The following ZBTB20 variants were observed in gnomAD, a reference collection of about 807,000 sequenced individuals.
The protein encoded by ZBTB20 is zinc finger and BTB domain containing 20.
A neutral mutation model predicts 56.9 loss-of-function variants in ZBTB20; 9 were observed. The observed-to-expected ratio is 0.16, with a 90% CI of 0.10 to 0.28. ZBTB20 has a LOEUF of 0.28. ZBTB20 is among the 10% of genes least tolerant of loss of function. ZBTB20 has a pLI of 1.00. For synonymous variants in ZBTB20, 417 were observed against 420.7 expected (o/e 0.99, Z 0.11); for missense variants, 655 against 1,003.0 (o/e 0.65, Z 4.69).
At chr3:114,449,640 A>G (rs1030095734) in intron 7 of ZBTB20, among the ~76,000 whole-genome samples, 1 of 151,374 alleles carries the variant, frequency 6.6e-6, no homozygotes, top group African/African-American at 2.4e-5. Flanking sequence ...ATTAAGCAAG[A>G]GGAGAACCTG....
chr3:114,705,834 A>C (rs1560149769), intron 5 of ZBTB20, among the ~76,000 whole-genome samples: 1 of 152,224 alleles, frequency 6.6e-6, no homozygotes, highest in Admixed American at 6.5e-5. Flanking sequence ...TCCCTGGGGC[A>C]TACTGCATCC....
Position 114,628,367 on chromosome 3 carries a change from G to A in ZBTB20, c.-295+65161C>T, listed in dbSNP as rs370000430. 2.0e-4 allele frequency among the ~76,000 whole-genome samples: 30 copies of A among 152,238 alleles called. No homozygotes were observed. In the East Asian group the frequency reaches 4.2e-3, roughly 22 times the overall value. On this transcript the variant is annotated intron_variant, in intron 6 of 11. Coordinates refer to ENST00000675478, the MANE Select transcript of ZBTB20 (RefSeq NM_001348800.3). ...TAGAATATTTAGTGTAGCAGGGCAT[G>A]GAGGAAGCCAGCCATCCAAAAGTGG... is the stretch of plus-strand genomic sequence containing the variant.
intron 10 of ZBTB20, among the ~76,000 whole-genome samples, chr3:114,373,886 T>C (rs1407746167): frequency 6.6e-6 from 1 of 152,126 alleles, no homozygotes; most frequent in Non-Finnish European, 1.5e-5. Context: ...TAAATTGGTG[T>C]TGTAGGGAAA....
chr3:114,831,914 G>C (rs1305353802), intron 4 of ZBTB20, among the ~76,000 whole-genome samples: 1 of 151,840 alleles, frequency 6.6e-6, no homozygotes, highest in Non-Finnish European at 1.5e-5. Context: ...TATTCCACCT[G>C]GACCCTGCTT....
intron 6 of ZBTB20, among the ~76,000 whole-genome samples, chr3:114,582,810 T>C (rs1165202033): frequency 6.6e-6 from 1 of 152,204 alleles, no homozygotes; most frequent in African/African-American, 2.4e-5. Flanking sequence ...TAGAGCCCAA[T>C]ATTAGTAAGC....
intron 2 of ZBTB20, among the ~76,000 whole-genome samples, chr3:115,028,383 C>T (rs970069415): frequency 4.0e-5 from 6 of 150,632 alleles, no homozygotes; most frequent in African/African-American, 1.2e-4. Flanking sequence ...ATAGAACTTA[C>T]TATAAAAAAC....
intron 1 of ZBTB20, among the ~76,000 whole-genome samples, chr3:115,145,899 G>A (rs1471965069): frequency 1.3e-5 from 2 of 152,164 alleles, no homozygotes; most frequent in African/African-American, 4.8e-5. Flanking sequence ...CTTCAGAATA[G>A]CGTTCACTTG....
chr3:115,013,513 C>A (rs899567960), intron 2 of ZBTB20, among the ~76,000 whole-genome samples: 6 of 151,608 alleles, frequency 4.0e-5, no homozygotes, highest in African/African-American at 1.5e-4. Flanking sequence ...AGACCAATAA[C>A]AAGTAATGAG....
intron 10 of ZBTB20, chr3:114,359,341 C>T (rs2081569210): frequency 6.6e-6 from 1 of 152,100 alleles, no homozygotes; most frequent in African/African-American, 2.4e-5. Flanking sequence ...TTGAAATTTA[C>T]TTTACAGTAC....
chr3:114,340,418 A>G (rs1209873618), intron 11 of ZBTB20, among the ~76,000 whole-genome samples: 2 of 152,186 alleles, frequency 1.3e-5, no homozygotes, highest in East Asian at 3.9e-4. Context: ...TTTTTAAAAT[A>G]GTTTTCCTGC....
intron 7 of ZBTB20, among the ~76,000 whole-genome samples, chr3:114,444,984 C>G (rs74465971): frequency 3.3e-5 from 5 of 152,054 alleles, no homozygotes; most frequent in Non-Finnish European, 7.4e-5. Flanking sequence ...GTTGGTTAAC[C>G]CACTCACCCA....
At chr3:114,725,438 T>C (rs567569069) in intron 5 of ZBTB20, among the ~76,000 whole-genome samples, 3 of 152,284 alleles carry the variant, frequency 2.0e-5, no homozygotes, top group Admixed American at 1.3e-4. Context: ...ATTCCTTGAA[T>C]AAACAAAAGC....
At chr3:114,992,473 A>T (rs13065428) in intron 2 of ZBTB20, among the ~76,000 whole-genome samples, 11,873 of 152,076 alleles carry the variant, frequency 0.078, 652 homozygotes, top group Non-Finnish European at 0.12. Context: ...AAGTGAAACA[A>T]GTTAGAATGA....
chr3:114,895,671 T>A (rs753231248), intron 4 of ZBTB20, among the ~76,000 whole-genome samples: 1 of 152,048 alleles, frequency 6.6e-6, no homozygotes, highest in Non-Finnish European at 1.5e-5. Flanking sequence ...CTACTGATTA[T>A]AAAAATTTTT....
intron 4 of ZBTB20, among the ~76,000 whole-genome samples, chr3:114,849,549 T>C (rs1243845584): frequency 6.6e-6 from 1 of 152,254 alleles, no homozygotes; most frequent in Non-Finnish European, 1.5e-5. Context: ...TGTTTTCTAA[T>C]TGACAGTTGA....
intron 6 of ZBTB20, among the ~76,000 whole-genome samples, chr3:114,593,373 T>C (rs892224091): frequency 6.0e-5 from 9 of 150,630 alleles, no homozygotes; most frequent in African/African-American, 1.9e-4. Context: ...TTTTTTGTTC[T>C]TTTTTCTTTT....
intron 3 of ZBTB20, among the ~76,000 whole-genome samples, chr3:114,920,038 T>C: frequency 6.6e-6 from 1 of 152,136 alleles, no homozygotes; most frequent in East Asian, 1.9e-4. Context: ...AGAAGGTCAT[T>C]AAATGATAAT....
chr3:115,100,650 C>T (rs573280351), intron 1 of ZBTB20: 2 of 152,138 alleles, frequency 1.3e-5, no homozygotes, highest in African/African-American at 2.4e-5. Flanking sequence ...GCTGGCTCCA[C>T]CTTCTTTATT....
chr3:114,361,850 C>G (rs2108330715), intron 10 of ZBTB20, among the ~76,000 whole-genome samples: 1 of 152,320 alleles, frequency 6.6e-6, no homozygotes, highest in Admixed American at 6.5e-5. Flanking sequence ...TTGAGAGGAA[C>G]AGTGATCATC....
Sources: allele counts gnomAD v4.1 joint callset (sites outside exome capture counted in the v4.1 genomes callset), GRCh38; gene constraint gnomAD v4.1.1; transcripts MANE v1.5; gene names NCBI Gene and HGNC (gene_info 2026-07-23, HGNC 2026-07-21).